Variants in SLC28A1 observed in about 807,000 individuals in gnomAD.
SLC28A1 encodes sodium/nucleoside cotransporter 1.
A neutral mutation model predicts 74.8 loss-of-function variants in SLC28A1; 64 were observed. The observed-to-expected ratio is 0.86, with a 90% CI of 0.70 to 1.05. SLC28A1 has a LOEUF of 1.05. Among genes scored for constraint, SLC28A1 ranks in the 50% least tolerant of loss-of-function variants. SLC28A1 has a pLI of 0.00. For missense variants in SLC28A1, 828 were observed against 822.8 expected, an observed-to-expected ratio of 1.01 and a Z score of -0.08; for synonymous variants, 359 against 335.0, an observed-to-expected ratio of 1.07 and a Z score of -0.78.
chr15:84,923,438 A>G (rs1409966004), intron 11 of SLC28A1, among the ~76,000 whole-genome samples: 3 of 152,142 alleles, frequency 2.0e-5, no homozygotes, highest in Admixed American at 1.3e-4. Context: ...ATTCTATATA[A>G]CAGTGCCTGG....
In SLC28A1 at chr15:84,933,127, G is replaced by A; in HGVS notation, c.1084-18G>A. 1 of 1,612,028 alleles carries A rather than the reference G, an allele frequency of 6.2e-7. No individual in the cohort carries two copies. Among genetic ancestry groups the A allele is most frequent in the South Asian group, 1.1e-5 (1 of 90,824 alleles). ...TCTTCTGACTGTCCACCTAGAACCT[G>A]CACTCTCACTCTTGCAGATCGATGC... is the stretch of plus-strand genomic sequence containing the variant. On this transcript the variant is annotated intron_variant, in intron 12 of 18. Transcript: ENST00000394573.
chr15:84,897,221 C>CAAAA lies in SLC28A1; in HGVS notation c.461+2111_461+2114dup, dbSNP rs57798365. Among the ~76,000 whole-genome samples the CAAAA allele has an allele frequency of 3.0e-3, 411 of 136,594 alleles. 11 individuals are homozygous for CAAAA. Among genetic ancestry groups the CAAAA allele is most frequent in the Admixed American group, 4.9e-3 (68 of 13,968 alleles). The allele number at this position is 136,594 out of a possible 152,430, so 89.6% of individuals were successfully genotyped here. On this transcript the variant is annotated intron_variant, in intron 6 of 18. Coordinates refer to ENST00000394573, the MANE Select transcript of SLC28A1 (RefSeq NM_004213.5). ...GAAACCCTGTCTCTACTAAAAATAGCAAAAAAAAAAAAAAAATGGCTGAGT... is the reference window on the plus strand; with the variant it reads ...GAAACCCTGTCTCTACTAAAAATAGCAAAAAAAAAAAAAAAAAAAATGGCTGAGT...
chr15:84,961,204 C>G, the SLC28A1 span, among the ~76,000 whole-genome samples: 1 of 152,316 alleles, frequency 6.6e-6, no homozygotes, highest in Non-Finnish European at 1.5e-5. Flanking sequence ...ATCCAAGCAG[C>G]CTGCCTCTTT....
intron 6 of SLC28A1, chr15:84,895,773 C>A: frequency 1.7e-6 from 2 of 1,200,776 alleles, no homozygotes; most frequent in South Asian, 4.0e-5. Flanking sequence ...AAAACAGTTT[C>A]TATGGCTTAA....
At chr15:84,895,802 C>T (rs1160027914) in intron 6 of SLC28A1, 1 of 1,164,084 alleles carries the variant, frequency 8.6e-7, no homozygotes, top group South Asian at 2.1e-5. Flanking sequence ...CTGAAGACCA[C>T]CAGTCTATTT....
At chr15:84,924,993 C>A (rs1056375705) in intron 12 of SLC28A1, among the ~76,000 whole-genome samples, 4 of 150,288 alleles carry the variant, frequency 2.7e-5, no homozygotes, top group Non-Finnish European at 5.9e-5. Context: ...CTCTAGCTCC[C>A]TGGTTCAAGC....
intron 4 of SLC28A1, 25 bp downstream of exon 4, chr15:84,888,885 G>A: frequency 2.0e-6 from 3 of 1,517,856 alleles, no homozygotes; most frequent in Non-Finnish European, 2.7e-6. Flanking sequence ...GAGAGACAAG[G>A]GCGGGCCTGG....
chr15:84,893,805 C>T (rs749347055), intron 5 of SLC28A1, among the ~76,000 whole-genome samples: 80 of 152,316 alleles, frequency 5.3e-4, no homozygotes, highest in East Asian at 1.2e-3. Flanking sequence ...ACGCACCACA[C>T]GGGCATTCCT....
At chr15:84,974,083 G>A in the SLC28A1 span, among the ~76,000 whole-genome samples, 2 of 152,182 alleles carry the variant, frequency 1.3e-5, no homozygotes, top group African/African-American at 4.8e-5. Flanking sequence ...AGGGGAGCCA[G>A]GGAGAAAAGG....
At chr15:84,886,133 G>A (rs1471324011) in intron 1 of SLC28A1, 1 of 985,224 alleles carries the variant, frequency 1.0e-6, no homozygotes, top group African/African-American at 1.7e-5. Context: ...GTTGGCTTAG[G>A]TATTCATTTA....
chr15:84,952,665 C>T, the SLC28A1 span, among the ~76,000 whole-genome samples: 1 of 152,140 alleles, frequency 6.6e-6, no homozygotes, highest in Non-Finnish European at 1.5e-5. Flanking sequence ...GCAGGAGAAT[C>T]GCTTGAGCCC....
intron 9 of SLC28A1, among the ~76,000 whole-genome samples, chr15:84,909,421 A>T (rs188623605): frequency 6.6e-6 from 1 of 152,334 alleles, no homozygotes; most frequent in East Asian, 1.9e-4. Context: ...TATAGGGGAA[A>T]TGGAGATAAA....
At chr15:84,899,573 G>A (rs1966377541) in intron 6 of SLC28A1, among the ~76,000 whole-genome samples, 1 of 152,152 alleles carries the variant, frequency 6.6e-6, no homozygotes, top group Non-Finnish European at 1.5e-5. Context: ...TGTCAAAAAT[G>A]AGTGAGAAAA....
At position 84,935,151 on chromosome 15, in the gene SLC28A1, C is replaced by A; in HGVS notation, c.1340C>A (p.Ser447Tyr). The part of the protein sequence containing the change: ...AVLDFINAAL[S>Y]WLGDMVDIQG... ...CTGGACTTTATCAATGCTGCCCTCT[C>A]CTGGCTGGGAGACATGGTGGACATC... Residue 447 changes from serine to tyrosine, a missense_variant, in exon 14 of 19, where the codon TCC becomes TAC. Physicochemically the swap from Ser to Tyr is moderately radical, Grantham distance 144. This residue lies in a region of SLC28A1 where 767 missense variants were observed against 753.5 expected (regional missense o/e 1.02). Transcript: ENST00000394573. The A allele has an allele frequency of 6.2e-7, 1 of 1,614,062 alleles. No homozygotes were observed. Among genetic ancestry groups the A allele is most frequent in the Non-Finnish European group, 8.5e-7 (1 of 1,179,926 alleles).
intron 11 of SLC28A1, 145 bp downstream of exon 11, chr15:84,921,214 G>T: frequency 1.4e-6 from 1 of 721,124 alleles, no homozygotes. Context: ...CTGCTCCAGG[G>T]ATACTCTGTT....
chr15:84,911,386 C>T (rs896360), intron 9 of SLC28A1, among the ~76,000 whole-genome samples: 2 of 152,032 alleles, frequency 1.3e-5, no homozygotes, highest in African/African-American at 4.8e-5. Context: ...AAGCTCCAGA[C>T]AGGAGCAGTG....
intron 9 of SLC28A1, among the ~76,000 whole-genome samples, 197 bp downstream of exon 9, chr15:84,908,992 T>G (rs570016781): frequency 2.6e-5 from 4 of 151,576 alleles, no homozygotes. Flanking sequence ...TGAGATGTTT[T>G]TGCTATATTT....
chr15:84,910,620 T>G (rs927185764), intron 9 of SLC28A1, among the ~76,000 whole-genome samples: 1 of 151,826 alleles, frequency 6.6e-6, no homozygotes, highest in Non-Finnish European at 1.5e-5. Context: ...CCCAGCTACT[T>G]GGGAGGCTGA....
chr15:84,894,562 C>T (rs550129093), intron 5 of SLC28A1, among the ~76,000 whole-genome samples: 33 of 152,278 alleles, frequency 2.2e-4, no homozygotes, highest in Middle Eastern at 6.8e-3. Context: ...AACTCCTTCA[C>T]GGAGTAGCTG....
Sources: gnomAD v4.1 joint callset for allele counts (sites outside exome capture counted in the v4.1 genomes callset) on GRCh38, gnomAD v4.1.1 for gene constraint, gnomAD v4.1.1 regional missense constraint, MANE v1.5 for transcripts, NCBI Gene and HGNC (gene_info 2026-07-23, HGNC 2026-07-21) for gene names.